Variants in RARB observed in about 807,000 individuals in gnomAD.
RARB encodes HBV-activated protein.
A neutral mutation model predicts 51.9 loss-of-function variants in RARB; 17 were observed. That is an observed-to-expected ratio of 0.33 (90% CI 0.22 to 0.49). The LOEUF (loss-of-function observed/expected upper bound fraction) is 0.49. Ranked by LOEUF, RARB falls within the 20% of genes least tolerant of loss-of-function variation. The probability of loss-of-function intolerance (pLI) is 0.99; values close to 1 mark genes in which losing one functional copy is unlikely to be tolerated. For synonymous variants in RARB, 215 were observed against 195.4 expected (o/e 1.10, Z -0.84); for missense variants, 369 against 550.8 (o/e 0.67, Z 3.30).
rs144064751 is a variant in RARB, at chr3:25,254,579, C to T, written c.178+80004C>T. 5.0e-4 allele frequency among the ~76,000 whole-genome samples: 75 copies of T among 151,156 alleles called. 1 individual carries two copies. The East Asian group carries it at 8.1e-3, about 16-fold the overall frequency. Reference sequence around the variant, plus strand: ...TTCTTTCTCTGACAGTTTTCCTTAACGGTATCACTTACAGCTGGGGGGTCG... The same window carrying T: ...TTCTTTCTCTGACAGTTTTCCTTAATGGTATCACTTACAGCTGGGGGGTCG... On this transcript the variant is annotated intron_variant, in intron 5 of 11. Transcript: ENST00000383772.
intron 5 of RARB, among the ~76,000 whole-genome samples, chr3:25,386,674 T>G (rs1270763516): frequency 6.6e-6 from 1 of 152,160 alleles, no homozygotes; most frequent in Non-Finnish European, 1.5e-5. Flanking sequence ...GAGGTTCCCT[T>G]TGAGAGGAGT....
chr3:25,526,666 G>A (rs563693063), intron 3 of RARB, among the ~76,000 whole-genome samples: 17 of 152,280 alleles, frequency 1.1e-4, no homozygotes, highest in Middle Eastern at 3.4e-3. Context: ...CTGGATGGAC[G>A]GATGGATGGC....
At chr3:25,351,938 G>A (rs1165432111) in intron 5 of RARB, among the ~76,000 whole-genome samples, 1 of 152,162 alleles carries the variant, frequency 6.6e-6, no homozygotes. Context: ...AGTTTTCTGA[G>A]CCATTTTAGA....
intron 5 of RARB, among the ~76,000 whole-genome samples, chr3:25,418,847 T>C (rs1276739698): frequency 6.6e-6 from 1 of 150,886 alleles, no homozygotes; most frequent in Non-Finnish European, 1.5e-5. Flanking sequence ...GGTGATAAGA[T>C]AACAGGGGTG....
rs146393879 is a variant in RARB, at chr3:25,403,854, G to T, written c.179-57339G>T. 9.4e-3 allele frequency among the ~76,000 whole-genome samples: 795 copies of T among 84,514 alleles called. 5 individuals are homozygous for T. Among genetic ancestry groups the T allele is most frequent in the Middle Eastern group, 0.051 (6 of 118 alleles). The allele number at this position is 84,514 out of a possible 152,430, so 55.4% of individuals were successfully genotyped here. On this transcript the variant is annotated intron_variant, in intron 5 of 11. Transcript: ENST00000383772. ...TCTTCATTAGAAAAAAAAAAAAGAT[G>T]CCAAGTGTCACAAGCTGTGAATTTC...
chr3:24,988,078 A>G (rs904915884), intron 2 of RARB, among the ~76,000 whole-genome samples: 2 of 152,164 alleles, frequency 1.3e-5, no homozygotes, highest in African/African-American at 4.8e-5. Flanking sequence ...AACGCTTGCT[A>G]GATGTAATTG....
At position 25,379,250 on chromosome 3, in the gene RARB, C is replaced by A. The variant is rs532375480; in HGVS notation, c.179-81943C>A. 4.6e-5 allele frequency among the ~76,000 whole-genome samples: 7 copies of A among 152,182 alleles called. No homozygotes were observed. The South Asian group carries it at 1.5e-3, about 32-fold the overall frequency. ...GCCAGAGCATACTAGGGCATGGAAA[C>A]ATTTGTTATTTTCTAATCAAATGCA... On this transcript the variant is annotated intron_variant, in intron 5 of 11. Transcript: ENST00000383772.
rs142365824 is a variant in RARB at position 25,080,592 on chromosome 3, T to A, written c.-328+20416T>A. On this transcript the variant is annotated intron_variant, in intron 3 of 11. Coordinates refer to the RARB transcript ENST00000383772. ...TTGTCAGCACTTATTTTGTATTGTTTTGAATTTAGCCATCCTACTTGGTGT... is the reference window on the plus strand; with the variant it reads ...TTGTCAGCACTTATTTTGTATTGTTATGAATTTAGCCATCCTACTTGGTGT... Among the ~76,000 whole-genome samples, 1,389 of 152,320 alleles carry A rather than the reference T, an allele frequency of 9.1e-3. 12 individuals carry two copies. Among genetic ancestry groups the A allele is most frequent in the Middle Eastern group, 0.017 (5 of 294 alleles).
intron 5 of RARB, among the ~76,000 whole-genome samples, chr3:25,205,631 C>T (rs1195750392): frequency 6.6e-6 from 1 of 152,054 alleles, no homozygotes; most frequent in African/African-American, 2.4e-5. Flanking sequence ...CCCCATTTAC[C>T]CTGATGTAAT....
intron 3 of RARB, among the ~76,000 whole-genome samples, chr3:25,076,617 A>G (rs1349693785): frequency 2.0e-5 from 3 of 152,212 alleles, no homozygotes; most frequent in Admixed American, 1.3e-4. Flanking sequence ...GAGTTACCTG[A>G]ACGTTTACAT....
chr3:25,237,907 T>C (rs1702341049), intron 5 of RARB, among the ~76,000 whole-genome samples: 1 of 152,152 alleles, frequency 6.6e-6, no homozygotes, highest in African/African-American at 2.4e-5. Flanking sequence ...TACATAATAT[T>C]TGTACATATA....
intron 1 of RARB, among the ~76,000 whole-genome samples, chr3:25,444,805 C>T (rs767235888): frequency 3.3e-5 from 5 of 152,078 alleles, no homozygotes; most frequent in African/African-American, 7.2e-5. Flanking sequence ...ATTTGGGCTC[C>T]GGTAGATGTG....
chr3:25,485,321 G>T (rs1043041569), intron 2 of RARB, among the ~76,000 whole-genome samples: 1 of 152,210 alleles, frequency 6.6e-6, no homozygotes, highest in African/African-American at 2.4e-5. Flanking sequence ...CTTAATTGGT[G>T]ATATAAATCC....
intron 2 of RARB, among the ~76,000 whole-genome samples, chr3:24,894,963 A>G (rs1703449368): frequency 6.6e-6 from 1 of 152,232 alleles, no homozygotes; most frequent in Admixed American, 6.5e-5. Flanking sequence ...GTTGAAGAAC[A>G]TATGTGGAAA....
chr3:24,962,120 G>A (rs758222330), intron 2 of RARB, among the ~76,000 whole-genome samples: 7 of 151,634 alleles, frequency 4.6e-5, no homozygotes, highest in East Asian at 3.9e-4. Context: ...TAGTAGAGAC[G>A]GGGTTTCACC....
rs574965206 is a variant in RARB, at chr3:25,025,809, A to G, written c.-379-34316A>G. 5.3e-5 allele frequency among the ~76,000 whole-genome samples: 8 copies of G among 152,302 alleles called. No individual in the cohort carries two copies. In the South Asian group the frequency reaches 1.5e-3, roughly 28 times the overall value. ...TTTGTGAAACAAAGAATATTTGTCT[A>G]TGGCCCATATAAATCCCATTAAGTG... is the stretch of plus-strand genomic sequence containing the variant. On this transcript the variant is annotated intron_variant, in intron 2 of 11. Transcript: ENST00000383772.
At chr3:25,142,524 A>G (rs1378805869) in intron 4 of RARB, among the ~76,000 whole-genome samples, 1 of 152,132 alleles carries the variant, frequency 6.6e-6, no homozygotes, top group Non-Finnish European at 1.5e-5. Flanking sequence ...AGGCAAAGAT[A>G]TAATCTCTAT....
chr3:25,022,344 TTG>T (rs1697655817), intron 2 of RARB, among the ~76,000 whole-genome samples: 1 of 152,242 alleles, frequency 6.6e-6, no homozygotes, highest in Admixed American at 6.5e-5. Context: ...TTGTGTTTTT[TTG>T]TGTGTTGACT....
chr3:24,882,497 A>G (rs1703187577), intron 2 of RARB, among the ~76,000 whole-genome samples: 2 of 152,220 alleles, frequency 1.3e-5, no homozygotes, highest in Admixed American at 1.3e-4. Context: ...GAACTTGATA[A>G]TCTGCAGAAG....
Sources: allele counts gnomAD v4.1 joint callset (sites outside exome capture counted in the v4.1 genomes callset), GRCh38; gene constraint gnomAD v4.1.1; transcripts MANE v1.5; gene names NCBI Gene and HGNC (gene_info 2026-07-23, HGNC 2026-07-21).